UBAP2: variants seen among roughly 807,000 people sequenced by gnomAD.
The protein encoded by UBAP2 is ubiquitin-associated protein 2.
A neutral mutation model predicts 139.6 loss-of-function variants in UBAP2; 75 were observed. The ratio of observed to expected loss-of-function variants is 0.54; its 90% CI spans 0.45 to 0.65. The LOEUF (loss-of-function observed/expected upper bound fraction) is 0.65, where lower values mean the gene tolerates loss of function less well. Ranked by LOEUF, UBAP2 falls within the 30% of genes least tolerant of loss-of-function variation. The pLI is 0.00. For synonymous variants in UBAP2, 526 were observed against 526.2 expected (o/e 1.00, Z 0.01); for missense variants, 1,368 against 1,369.6 (o/e 1.00, Z 0.02).
chr9:33,935,646 T>A (rs959040093), intron 17 of UBAP2, 193 bp downstream of exon 17: 12 of 642,986 alleles, frequency 1.9e-5, no homozygotes, highest in Non-Finnish European at 3.1e-5. Flanking sequence ...GACCACCACC[T>A]CCTTCTTGCT....
intron 1 of UBAP2, among the ~76,000 whole-genome samples, chr9:34,017,990 G>A (rs1331833257): frequency 6.6e-6 from 1 of 151,644 alleles, no homozygotes; most frequent in Non-Finnish European, 1.5e-5. Flanking sequence ...TTATTGACTA[G>A]CTACTAAGTG....
At chr9:34,032,280 T>A (rs1268855230) in intron 1 of UBAP2, among the ~76,000 whole-genome samples, 1 of 152,166 alleles carries the variant, frequency 6.6e-6, no homozygotes, top group Non-Finnish European at 1.5e-5. Context: ...AGGATGAAAG[T>A]AAGAACAAAT....
chr9:34,008,809 A>C (rs1258041958), intron 2 of UBAP2, among the ~76,000 whole-genome samples: 1 of 151,616 alleles, frequency 6.6e-6, no homozygotes, highest in Non-Finnish European at 1.5e-5. Flanking sequence ...TACTGAAAAA[A>C]CAAAAATTAG....
chr9:34,048,590 G>T lies in UBAP2; in HGVS notation c.-42+235C>A, dbSNP rs941824651. On this transcript the variant is annotated intron_variant, in intron 1 of 28. Coordinates refer to ENST00000379238, the MANE Select transcript of UBAP2 (RefSeq NM_001370062.2). ...TGGGGCCCAGCCGACCTGGACGGGG[G>T]AAAGTAGGAAGAAGCACAGGGCAAC... Among the ~76,000 whole-genome samples the T allele has an allele frequency of 5.3e-5, 8 of 152,272 alleles. No individual in the cohort carries two copies. In the South Asian group the frequency reaches 1.7e-3, roughly 32 times the overall value.
intron 4 of UBAP2, chr9:33,995,428 A>C (rs1201818890): frequency 7.4e-6 from 1 of 136,028 alleles, no homozygotes; most frequent in Non-Finnish European, 1.5e-5. Context: ...TTTATATATT[A>C]TTAAACAAAT....
At chr9:33,969,130 G>A (rs1284875475) in intron 8 of UBAP2, among the ~76,000 whole-genome samples, 1 of 152,078 alleles carries the variant, frequency 6.6e-6, no homozygotes, top group Non-Finnish European at 1.5e-5. Flanking sequence ...AGGAAGTATG[G>A]GTTGTTTCTA....
At position 33,941,720 on chromosome 9, in the gene UBAP2, T is replaced by C. The variant is rs1007248570; in HGVS notation, c.1858A>G (p.Ser620Gly). ...PVAMSSSYDQ[S>G]SVHNRIPYQS... is the part of the protein sequence containing the mutation. ...TATGGGATCCTGTTATGCACAGAACTCTGGTCATAAGAGGAAGACATTGCT... is the reference window on the plus strand; with the variant it reads ...TATGGGATCCTGTTATGCACAGAACCCTGGTCATAAGAGGAAGACATTGCT... Residue 620 changes from serine (S) to glycine (G), a missense_variant, in exon 16 of 29, where the codon AGT becomes GGT. Ser to Gly is a moderately conservative substitution (Grantham distance 56). Transcript: ENST00000379238. The C allele has an allele frequency of 2.5e-6, 4 of 1,614,030 alleles. No individual in the cohort carries two copies. In the Admixed American group the frequency reaches 6.7e-5, roughly 27 times the overall value.
chr9:33,963,706 A>T lies in UBAP2; in HGVS notation c.745+20T>A. ...TATAAGATTCTTAATTTTAAAAATTAAAAAATTAAGTATTCATACCTTTGA... is the reference window on the plus strand; with the variant it reads ...TATAAGATTCTTAATTTTAAAAATTTAAAAATTAAGTATTCATACCTTTGA... On this transcript the variant is annotated intron_variant, in intron 9 of 28. Coordinates refer to ENST00000379238, the MANE Select transcript of UBAP2 (RefSeq NM_001370062.2). 1 of 1,482,634 alleles carries T rather than the reference A, an allele frequency of 6.7e-7. No homozygotes were observed. 91.8% of individuals were successfully genotyped at this position (1,482,634 alleles called of 1,614,324 possible).
chr9:34,032,126 T>TA (rs1417820970), intron 1 of UBAP2, among the ~76,000 whole-genome samples: 1 of 152,124 alleles, frequency 6.6e-6, no homozygotes, highest in Non-Finnish European at 1.5e-5. Flanking sequence ...CATGACCCTA[T>TA]AGCACCAAAA....
Position 34,046,376 on chromosome 9 carries a change from G to C in UBAP2, c.-42+2449C>G, listed in dbSNP as rs567705539. On this transcript the variant is annotated intron_variant, in intron 1 of 28. Transcript: ENST00000379238. ...TAGAAGTAAAGGCTTCATGCCGGGC[G>C]GGGTGGCTCACGCCTGCAATCCCAG... Among the ~76,000 whole-genome samples the C allele has an allele frequency of 4.4e-4, 67 of 152,036 alleles. 1 individual carries two copies. Among genetic ancestry groups the C allele is most frequent in the African/African-American group, 1.5e-3 (61 of 41,496 alleles).
At chr9:33,981,255 T>C (rs539960852) in intron 6 of UBAP2, among the ~76,000 whole-genome samples, 33 of 114,060 alleles carry the variant, frequency 2.9e-4, no homozygotes, top group Middle Eastern at 3.9e-3. Flanking sequence ...GATATATATA[T>C]ATATTCTGGA....
chr9:33,998,783 A>G lies in UBAP2; in HGVS notation c.177+4T>C, dbSNP rs778253785. ...AATGATGATATCCTTTGCCAGAAAC[A>G]TACCTGCTTAACTTTAGCTTCAAAA... On this transcript the variant is annotated splice_donor_region_variant and intron_variant, in intron 3 of 28. Transcript: ENST00000379238. The G allele has an allele frequency of 5.6e-6, 9 of 1,610,482 alleles. No individual in the cohort carries two copies. The Admixed American group carries it at 1.5e-4, about 27-fold the overall frequency.
chr9:33,976,810 A>T (rs937755112), intron 6 of UBAP2, among the ~76,000 whole-genome samples: 26 of 151,638 alleles, frequency 1.7e-4, no homozygotes, highest in African/African-American at 6.1e-4. Flanking sequence ...CAGCCTGGCC[A>T]ACATGGTGAA....
intron 4 of UBAP2, among the ~76,000 whole-genome samples, chr9:33,989,389 G>A (rs911479416): frequency 6.6e-6 from 1 of 152,086 alleles, no homozygotes; most frequent in African/African-American, 2.4e-5. Flanking sequence ...TTTTAGTGGA[G>A]ATGGGGTTTC....
intron 1 of UBAP2, among the ~76,000 whole-genome samples, chr9:34,036,749 T>C (rs1826408674): frequency 6.6e-6 from 1 of 151,900 alleles, no homozygotes; most frequent in Non-Finnish European, 1.5e-5. Context: ...TAATCTGCAG[T>C]AATGTAAACT....
At chr9:34,018,250 CAGAA>C (rs1824568573) in intron 1 of UBAP2, among the ~76,000 whole-genome samples, 1 of 139,552 alleles carries the variant, frequency 7.2e-6, no homozygotes, top group Non-Finnish European at 1.5e-5. Flanking sequence ...TTTTTTTAGA[CAGAA>C]GAGCCGGGAA....
intron 1 of UBAP2, among the ~76,000 whole-genome samples, chr9:34,027,411 A>C (rs1825494417): frequency 6.6e-6 from 1 of 151,762 alleles, no homozygotes; most frequent in African/African-American, 2.4e-5. Flanking sequence ...GAATTTATTT[A>C]TTAAAAAATA....
At chr9:34,017,013 A>G (rs942718079) in intron 2 of UBAP2, 37 bp downstream of exon 2, 3 of 1,423,742 alleles carry the variant, frequency 2.1e-6, no homozygotes, top group Non-Finnish European at 2.8e-6. Flanking sequence ...AAAAGAAAAA[A>G]AAGGAAAAAA....
At chr9:33,956,052 A>C in intron 11 of UBAP2, 27 bp downstream of exon 11, 1 of 1,575,074 alleles carries the variant, frequency 6.3e-7, no homozygotes, top group East Asian at 2.3e-5. Context: ...TTTGAATAAC[A>C]AATATAAGAT....
Sources: gnomAD v4.1 joint callset for allele counts (sites outside exome capture counted in the v4.1 genomes callset) on GRCh38, gnomAD v4.1.1 for gene constraint, MANE v1.5 for transcripts, NCBI Gene and HGNC (gene_info 2026-07-23, HGNC 2026-07-21) for gene names.